DNM3: variants seen among roughly 807,000 people sequenced by gnomAD.
DNM3 encodes dynamin-3.
In DNM3, 47 loss-of-function variants were observed where a neutral mutation model predicts 101.6. The ratio of observed to expected loss-of-function variants is 0.46; its 90% CI spans 0.37 to 0.59. DNM3 has a LOEUF of 0.59. DNM3 is among the 20% of genes least tolerant of loss of function. The pLI, the probability that DNM3 is intolerant of heterozygous loss-of-function variation, is 0.00. For missense variants in DNM3, 849 were observed against 1,085.7 expected, an observed-to-expected ratio of 0.78 and a Z score of 3.06; for synonymous variants, 385 against 387.9, an observed-to-expected ratio of 0.99 and a Z score of 0.09.
chr1:171,936,059 A>G (rs1396572955), intron 2 of DNM3, among the ~76,000 whole-genome samples: 1 of 151,634 alleles, frequency 6.6e-6, no homozygotes, highest in Non-Finnish European at 1.5e-5. Flanking sequence ...CACTCTTTGC[A>G]TTAAAAGTTA....
In DNM3 at chr1:171,944,339, GTATTTATTTATTTATTTATTTATT is replaced by G. The variant is rs60936293; in HGVS notation, c.235+22540_235+22563del. Among the ~76,000 whole-genome samples, 1,080 of 147,056 alleles carry G rather than the reference GTATTTATTTATTTATTTATTTATT, an allele frequency of 7.3e-3. 19 individuals are homozygous for G. The highest frequency in any genetic ancestry group is 0.025 in the African/African-American group (984 of 39,600). On this transcript the variant is annotated intron_variant, in intron 2 of 20. Coordinates refer to ENST00000627582, the MANE Select transcript of DNM3 (RefSeq NM_015569.5). ...CATATTTTGCCAACTTTTAAACAAT[GTATTTATTTATTTATTTATTTATT>G]TATTTATTTATTTATTTATTTGTTT...
rs574793172 is a variant in DNM3 at position 172,231,217 on chromosome 1, G to A, written c.1660-22356G>A. On this transcript the variant is annotated intron_variant, in intron 14 of 20. Transcript: ENST00000627582. ...CCTAACTGGGAGGCACCCCCAGTAG[G>A]GGCAGACTGACACCTCACACGGCCT... 3.4e-4 allele frequency among the ~76,000 whole-genome samples: 51 copies of A among 151,508 alleles called. 1 individual carries two copies. Among genetic ancestry groups the A allele is most frequent in the African/African-American group, 1.1e-3 (47 of 41,404 alleles).
At chr1:171,896,773 T>C (rs1379987123) in intron 1 of DNM3, among the ~76,000 whole-genome samples, 1 of 152,192 alleles carries the variant, frequency 6.6e-6, no homozygotes, top group Non-Finnish European at 1.5e-5. Context: ...TAAATGGTTA[T>C]ATTCCTTCAT....
chr1:171,940,216 G>A (rs1280348570), intron 2 of DNM3, among the ~76,000 whole-genome samples: 1 of 152,138 alleles, frequency 6.6e-6, no homozygotes, highest in Non-Finnish European at 1.5e-5. Flanking sequence ...TCAAATAATT[G>A]TGTTAGTTTA....
At chr1:172,218,117 A>G (rs988540564) in intron 14 of DNM3, among the ~76,000 whole-genome samples, 9 of 152,090 alleles carry the variant, frequency 5.9e-5, no homozygotes, top group African/African-American at 1.2e-4. Flanking sequence ...GTGGAATTTA[A>G]TTCTATTCTC....
At chr1:172,395,895 G>C (rs2069945687) in intron 20 of DNM3, among the ~76,000 whole-genome samples, 1 of 152,176 alleles carries the variant, frequency 6.6e-6, no homozygotes, top group African/African-American at 2.4e-5. Flanking sequence ...AGTGTTGAAA[G>C]GCACTAGATT....
chr1:171,841,951 A>C (rs2031270258), intron 1 of DNM3, 134 bp downstream of exon 1: 256 of 290,554 alleles, frequency 8.8e-4, no homozygotes, highest in Middle Eastern at 1.5e-3. Flanking sequence ...GCAGAGTGGA[A>C]TGGGGGGCAG....
intron 2 of DNM3, among the ~76,000 whole-genome samples, chr1:171,967,936 C>T (rs935798229): frequency 6.6e-6 from 1 of 152,146 alleles, no homozygotes; most frequent in African/African-American, 2.4e-5. Flanking sequence ...TTGTATATTG[C>T]TTCTGTGTTT....
At chr1:172,271,679 A>G (rs535787883) in intron 15 of DNM3, among the ~76,000 whole-genome samples, 3 of 152,168 alleles carry the variant, frequency 2.0e-5, no homozygotes, top group African/African-American at 7.2e-5. Flanking sequence ...GTTAATTGCA[A>G]TGAGGGATCT....
intron 2 of DNM3, chr1:171,987,324 T>C (rs895989889): frequency 1.4e-5 from 14 of 985,242 alleles, no homozygotes; most frequent in Non-Finnish European, 1.7e-5. Context: ...CCAGATCTAA[T>C]GTCTTTAACA....
In DNM3 at chr1:172,044,457, G is replaced by A. The variant is rs867301494; in HGVS notation, c.1196+5G>A. On this transcript the variant is annotated splice_donor_5th_base_variant and intron_variant, in intron 9 of 20. Transcript: ENST00000627582. ...CAAAAACATACATGGTATCAGGCAA[G>A]TGATTCACATTTTTCTTGTCATCTG... 3.7e-6 allele frequency: 6 copies of A among 1,601,716 alleles called. No individual in the cohort carries two copies. Among genetic ancestry groups the A allele is most frequent in the Non-Finnish European group, 5.1e-6 (6 of 1,174,246 alleles).
Position 172,172,925 on chromosome 1 carries a change from A to G in DNM3, c.1659+41637A>G, listed in dbSNP as rs1341500791. Reference sequence around the variant, plus strand: ...TTTTCCAAACTTGGCATTTTTAACCATTGTTGGCCTTTTAACCTCTTTTAG... The same window carrying G: ...TTTTCCAAACTTGGCATTTTTAACCGTTGTTGGCCTTTTAACCTCTTTTAG... On this transcript the variant is annotated intron_variant, in intron 14 of 20. Transcript: ENST00000627582. Among the ~76,000 whole-genome samples, 10 of 151,852 alleles carry G rather than the reference A, an allele frequency of 6.6e-5. 1 individual carries two copies. The highest frequency in any genetic ancestry group is 6.6e-4 in the Admixed American group (10 of 15,190).
intron 7 of DNM3, among the ~76,000 whole-genome samples, chr1:172,040,985 G>A (rs2049340978): frequency 6.6e-6 from 1 of 152,110 alleles, no homozygotes; most frequent in South Asian, 2.1e-4. Flanking sequence ...AAAATGCTGG[G>A]AGATGGGCTA....
At chr1:171,894,146 C>T (rs544108313) in intron 1 of DNM3, among the ~76,000 whole-genome samples, 7 of 150,708 alleles carry the variant, frequency 4.6e-5, no homozygotes, top group East Asian at 2.0e-4. Flanking sequence ...TTAATAGAGC[C>T]GGGGTTTTAC....
At chr1:172,038,570 T>C (rs1056210707) in intron 7 of DNM3, 109 bp downstream of exon 7, 62 of 1,342,206 alleles carry the variant, frequency 4.6e-5, no homozygotes, top group Non-Finnish European at 6.4e-5. Context: ...GTAAACTATA[T>C]GAGGCTATCT....
intron 14 of DNM3, among the ~76,000 whole-genome samples, chr1:172,236,216 C>T (rs1398796460): frequency 6.6e-6 from 1 of 152,100 alleles, no homozygotes; most frequent in East Asian, 1.9e-4. Context: ...CTGCTCTTGC[C>T]CCTACCTCCA....
At chr1:172,265,006 A>G (rs2062804967) in intron 15 of DNM3, among the ~76,000 whole-genome samples, 2 of 152,140 alleles carry the variant, frequency 1.3e-5, no homozygotes, top group African/African-American at 2.4e-5. Flanking sequence ...ATTTCAGTTT[A>G]CTGTAAGATC....
chr1:172,075,375 G>A (rs2052569157), intron 11 of DNM3, among the ~76,000 whole-genome samples: 1 of 152,140 alleles, frequency 6.6e-6, no homozygotes, highest in South Asian at 2.1e-4. Flanking sequence ...TTTTAGTCAT[G>A]AAGTCTTTCT....
At chr1:172,265,251 T>A (rs539310027) in intron 15 of DNM3, among the ~76,000 whole-genome samples, 8 of 147,750 alleles carry the variant, frequency 5.4e-5, no homozygotes, top group Admixed American at 4.7e-4. Flanking sequence ...TAACATCCTT[T>A]AAAAAAAAAA....
Sources: allele counts gnomAD v4.1 joint callset (sites outside exome capture counted in the v4.1 genomes callset), GRCh38; gene constraint gnomAD v4.1.1; transcripts MANE v1.5; gene names NCBI Gene and HGNC (gene_info 2026-07-23, HGNC 2026-07-21).